Variants in DDAH1 observed in about 807,000 individuals in gnomAD.
DDAH1 encodes the protein N(G),N(G)-dimethylarginine dimethylaminohydrolase 1.
DDAH1 carries 19 observed loss-of-function variants against 28.8 expected under a neutral mutation model. That is an observed-to-expected ratio of 0.66 (90% CI 0.46 to 0.97). The LOEUF is 0.97. DDAH1 is among the 50% of genes least tolerant of loss of function. The pLI is 0.00. For missense variants in DDAH1, 326 were observed against 375.9 expected, an observed-to-expected ratio of 0.87 and a Z score of 1.10; for synonymous variants, 153 against 154.4, an observed-to-expected ratio of 0.99 and a Z score of 0.07.
intron 1 of DDAH1, among the ~76,000 whole-genome samples, chr1:85,514,830 C>G (rs1408372557): frequency 6.6e-6 from 1 of 152,096 alleles, no homozygotes; most frequent in South Asian, 2.1e-4. Flanking sequence ...ATCAAAATGT[C>G]CTAAACTTAC....
In DDAH1 at chr1:85,321,569, C is replaced by G. The variant is rs763598008; in HGVS notation, c.742-1G>C. 6.2e-7 allele frequency: 1 copy of G among 1,603,358 alleles called. No individual in the cohort carries two copies. Among genetic ancestry groups the G allele is most frequent in the South Asian group, 1.1e-5 (1 of 90,774 alleles). On this transcript the variant is annotated splice_acceptor_variant, in intron 5 of 5. Transcript: ENST00000284031. LOFTEE classifies it high-confidence loss of function. ...TATGGTCCTTCAGTTTCTCATAAAC[C>G]TACAGTGGGAATCAAGGAAAAGGAA...
chr1:85,439,235 C>A (rs1356412645), intron 1 of DDAH1, among the ~76,000 whole-genome samples: 2 of 152,234 alleles, frequency 1.3e-5, no homozygotes, highest in Non-Finnish European at 2.9e-5. Context: ...TCTGTAAAGA[C>A]AATTCGCCAA....
intron 2 of DDAH1, among the ~76,000 whole-genome samples, chr1:85,476,078 T>A (rs1216864772): frequency 2.6e-5 from 4 of 152,134 alleles, no homozygotes; most frequent in Non-Finnish European, 5.9e-5. Flanking sequence ...CCCAGGCTGG[T>A]CTCAAACTCG....
At chr1:85,364,052 A>G (rs1306666658) in intron 1 of DDAH1, among the ~76,000 whole-genome samples, 1 of 152,126 alleles carries the variant, frequency 6.6e-6, no homozygotes, top group Non-Finnish European at 1.5e-5. Context: ...TGTGATGCTC[A>G]CAATAACTCC....
At chr1:85,382,353 C>A (rs1050611463) in intron 1 of DDAH1, among the ~76,000 whole-genome samples, 1 of 152,088 alleles carries the variant, frequency 6.6e-6, no homozygotes. Context: ...TTAAATTCTA[C>A]GAGATCTGAG....
At chr1:85,332,004 C>A (rs1417165388) in intron 4 of DDAH1, among the ~76,000 whole-genome samples, 1 of 152,126 alleles carries the variant, frequency 6.6e-6, no homozygotes, top group Non-Finnish European at 1.5e-5. Flanking sequence ...GGTACATGTT[C>A]CCATGTTGAC....
intron 4 of DDAH1, among the ~76,000 whole-genome samples, chr1:85,342,893 C>A (rs1296674396): frequency 6.6e-6 from 1 of 152,172 alleles, no homozygotes; most frequent in Non-Finnish European, 1.5e-5. Flanking sequence ...TCAGAATTTT[C>A]TGAGATAAAC....
intron 1 of DDAH1, among the ~76,000 whole-genome samples, chr1:85,540,960 TA>T (rs140965112): frequency 0.52 from 55,161 of 106,086 alleles, 13,414 homozygotes; most frequent in Non-Finnish European, 0.58. Flanking sequence ...ACTCAGTATC[TA>T]AAAAAAAAAA....
intron 1 of DDAH1, among the ~76,000 whole-genome samples, chr1:85,363,966 C>T (rs1361030432): frequency 6.9e-6 from 1 of 145,050 alleles, no homozygotes; most frequent in Non-Finnish European, 1.5e-5. Context: ...ACAGCCCTTG[C>T]TTGCCTCTGT....
At chr1:85,552,377 C>T (rs1658820193) in intron 1 of DDAH1, among the ~76,000 whole-genome samples, 1 of 152,192 alleles carries the variant, frequency 6.6e-6, no homozygotes, top group Non-Finnish European at 1.5e-5. Flanking sequence ...ATCCCCAATT[C>T]TTTAGTACTC....
intron 1 of DDAH1, among the ~76,000 whole-genome samples, chr1:85,519,967 T>TC (rs1557718368): frequency 1.5e-5 from 2 of 136,818 alleles, no homozygotes; most frequent in Non-Finnish European, 3.2e-5. Flanking sequence ...ATTCTTTTTT[T>TC]TCCCCTTTAT....
chr1:85,459,358 A>AT (rs1350220489), intron 1 of DDAH1, among the ~76,000 whole-genome samples: 1 of 152,200 alleles, frequency 6.6e-6, no homozygotes, highest in African/African-American at 2.4e-5. Flanking sequence ...TATCTAATAG[A>AT]AGTCACTCCC....
intron 1 of DDAH1, among the ~76,000 whole-genome samples, chr1:85,377,881 G>C (rs933953422): frequency 2.0e-5 from 3 of 152,122 alleles, no homozygotes; most frequent in Admixed American, 2.0e-4. Context: ...AGTACAAACT[G>C]TAACAAAATT....
At chr1:85,419,972 A>G (rs1016733972) in intron 1 of DDAH1, among the ~76,000 whole-genome samples, 2 of 152,212 alleles carry the variant, frequency 1.3e-5, no homozygotes, top group Admixed American at 1.3e-4. Flanking sequence ...AGAGAATCAC[A>G]GGGGTAAAGT....
intron 1 of DDAH1, among the ~76,000 whole-genome samples, chr1:85,432,029 A>G (rs1176399618): frequency 6.6e-6 from 1 of 152,204 alleles, no homozygotes; most frequent in Non-Finnish European, 1.5e-5. Context: ...CCTAAATACA[A>G]TAAAAGGGAT....
upstream of DDAH1, chr1:85,465,170 G>A (rs914742715): frequency 2.6e-6 from 3 of 1,146,752 alleles, no homozygotes; most frequent in South Asian, 1.3e-4. Flanking sequence ...GGTGCAGAAG[G>A]AGCCCAGCTC....
In DDAH1 at chr1:85,464,845, G is replaced by C; in HGVS notation, c.201C>G (p.Ala67=). ...KLGLQVVELP[A]DESLPDCVFV... is the part of the protein sequence containing the mutation. ...AGACGCAGTCCGGAAGGCTCTCGTC[G>C]GCCGGCAGCTCCACCACCTGCAGCC... is the stretch of plus-strand genomic sequence containing the variant. Residue 67 remains alanine (A), a synonymous_variant, in exon 1 of 6, where the codon GCC becomes GCG. Transcript: ENST00000284031. The surrounding 1 kb of genome is among the most constrained non-coding windows in gnomAD (Gnocchi z 4.4). The C allele has an allele frequency of 1.3e-6, 2 of 1,587,756 alleles. No homozygotes were observed. Among genetic ancestry groups the C allele is most frequent in the Non-Finnish European group, 1.7e-6 (2 of 1,174,818 alleles).
intron 1 of DDAH1, among the ~76,000 whole-genome samples, chr1:85,424,390 G>C (rs952857988): frequency 1.3e-5 from 2 of 151,910 alleles, no homozygotes; most frequent in African/African-American, 4.8e-5. Flanking sequence ...GGCAGTATAG[G>C]GAATGTGAGA....
intron 1 of DDAH1, among the ~76,000 whole-genome samples, chr1:85,502,422 C>T (rs1363953677): frequency 6.6e-6 from 1 of 152,226 alleles, no homozygotes; most frequent in African/African-American, 2.4e-5. Context: ...AAGCCAGTGG[C>T]TCTGACTGAG....
Sources: allele counts gnomAD v4.1 joint callset (sites outside exome capture counted in the v4.1 genomes callset), GRCh38; gene constraint gnomAD v4.1.1; non-coding constraint Gnocchi (gnomAD v3.1); transcripts MANE v1.5; gene names NCBI Gene and HGNC (gene_info 2026-07-23, HGNC 2026-07-21).